The following DNAH2 variants were observed in gnomAD, a reference collection of about 807,000 sequenced individuals.
DNAH2 encodes the protein dynein axonemal heavy chain 2.
DNAH2 carries 323 observed loss-of-function variants against 523.5 expected under a neutral mutation model. That is an observed-to-expected ratio of 0.62 (90% CI 0.56 to 0.68). DNAH2 has a LOEUF of 0.68. DNAH2 is among the 30% of genes least tolerant of loss of function. The probability of loss-of-function intolerance (pLI) is 0.00; values close to 1 mark genes in which losing one functional copy is unlikely to be tolerated. For missense variants in DNAH2, 4,907 were observed against 5,701.5 expected (o/e 0.86, Z 4.49); for synonymous variants, 2,093 against 2,177.4 (o/e 0.96, Z 1.08).
intron 1 of DNAH2, among the ~76,000 whole-genome samples, chr17:7,719,370 C>A (rs1169863864): frequency 1.3e-5 from 2 of 152,120 alleles, no homozygotes; most frequent in Non-Finnish European, 2.9e-5. Context: ...CTCAGGTGAT[C>A]CACCCGGCTC....
chr17:7,735,747 A>C (rs1024402886), intron 7 of DNAH2, among the ~76,000 whole-genome samples: 1 of 148,924 alleles, frequency 6.7e-6, no homozygotes, highest in Non-Finnish European at 1.5e-5. Context: ...CTCAATTGTT[A>C]ATTTTTTTTA....
chr17:7,800,735 C>T (rs1449861910), intron 56 of DNAH2, among the ~76,000 whole-genome samples: 2 of 150,330 alleles, frequency 1.3e-5, no homozygotes, highest in African/African-American at 2.4e-5. Flanking sequence ...GGCATGGTGG[C>T]GGGCACCTGT....
rs528675615 is a variant in DNAH2, at chr17:7,725,955, G to A, written c.229-1167G>A. On this transcript the variant is annotated intron_variant, in intron 3 of 85. Coordinates refer to ENST00000572933, the MANE Select transcript of DNAH2 (RefSeq NM_020877.5). ...CCAGGAGGAAAGATGAAAAGACTTC[G>A]CAAGTTCACTGATCTGTATCTTCAT... 4.7e-4 allele frequency among the ~76,000 whole-genome samples: 72 copies of A among 152,048 alleles called. 2 individuals carry two copies. The South Asian group carries it at 0.014, about 29-fold the overall frequency.
intron 21 of DNAH2, 139 bp downstream of exon 21, chr17:7,765,704 G>A: frequency 7.7e-6 from 7 of 905,282 alleles, no homozygotes; most frequent in Non-Finnish European, 1.2e-5. Flanking sequence ...CTCCACTCAG[G>A]AGCAAAGGAG....
chr17:7,777,929 A>T (rs2076500392), intron 33 of DNAH2, 148 bp from the exon 34 acceptor site: 2 of 778,646 alleles, frequency 2.6e-6, no homozygotes, highest in East Asian at 5.3e-5. Context: ...TTGCCCATAA[A>T]CCGCTCCCCT....
chr17:7,791,833 T>TCCGCA, intron 44 of DNAH2, 84 bp from the exon 45 acceptor site: 3 of 1,374,938 alleles, frequency 2.2e-6, no homozygotes, highest in Non-Finnish European at 3.0e-6. Context: ...ACCCAGGCTT[T>TCCGCA]CCACACTCTG....
chr17:7,775,158 A>G (rs999373186), intron 29 of DNAH2, 83 bp from the exon 30 acceptor site: 3 of 1,425,270 alleles, frequency 2.1e-6, no homozygotes, highest in Non-Finnish European at 2.9e-6. Flanking sequence ...AGGAGCAGTA[A>G]TTATCCTCAA....
chr17:7,765,476 A>T lies in DNAH2; in HGVS notation c.3422A>T (p.His1141Leu), dbSNP rs749461535. The part of the protein sequence containing the change: ...LLDSKQMLKK[H>L]KEKFKTGLIH... The stretch of plus-strand genomic sequence containing the variant: ...GACAGTAAGCAAATGCTGAAGAAAC[A>T]CAAGGAGAAATTCAAGACAGGCCTG... The change falls in exon 21 of 86, where the codon CAC (histidine) becomes CTC (leucine). Residue 1141 changes from histidine (H) to leucine (L), a missense_variant. His to Leu is a moderately conservative substitution (Grantham distance 99). Coordinates refer to ENST00000572933, the MANE Select transcript of DNAH2 (RefSeq NM_020877.5). 6.2e-7 allele frequency: 1 copy of T among 1,614,264 alleles called. No individual in the cohort carries two copies. The highest frequency in any genetic ancestry group is 1.1e-5 in the South Asian group (1 of 91,088).
rs1433052633 is a variant in DNAH2 at position 7,787,990 on chromosome 17, G to A, written c.6734G>A (p.Arg2245Lys). Residue 2245 changes from arginine (R) to lysine (K), a missense_variant, in exon 43 of 86, where the codon AGG becomes AAG. Arg to Lys is a conservative substitution (Grantham distance 26). Transcript: ENST00000572933. ...KPYVQSWLEK[R>K]PKAEVEPLQR... Reference sequence around the variant, plus strand: ...TATGTTCAGTCATGGCTGGAGAAGAGGCCAAAGGTATGAAGGGAACTGAGG... The same window carrying A: ...TATGTTCAGTCATGGCTGGAGAAGAAGCCAAAGGTATGAAGGGAACTGAGG... 1.9e-6 allele frequency: 3 copies of A among 1,614,082 alleles called. No homozygotes were observed. The highest frequency in any genetic ancestry group is 1.3e-5 in the African/African-American group (1 of 74,944).
chr17:7,833,250 C>T, intron 85 of DNAH2, 29 bp downstream of exon 85: 1 of 1,606,562 alleles, frequency 6.2e-7, no homozygotes, highest in Non-Finnish European at 8.5e-7. Flanking sequence ...CAGGACCTGC[C>T]TGCCCCGTCC....
chr17:7,771,609 A>G, intron 28 of DNAH2, 141 bp downstream of exon 28: 2 of 911,082 alleles, frequency 2.2e-6, no homozygotes, highest in South Asian at 3.6e-5. Context: ...TCTAAGCATT[A>G]GATCATAATT....
rs368514140 is a variant in DNAH2 at position 7,766,869 on chromosome 17, C to T, written c.3675+388C>T. ...TTCACCATATTGTCCAGACTGGTCT[C>T]GAACTCCTGACCTCAGGTGATCCAC... On this transcript the variant is annotated intron_variant, in intron 22 of 85. Transcript: ENST00000572933. Among the ~76,000 whole-genome samples the T allele has an allele frequency of 9.9e-4, 151 of 151,902 alleles. 4 individuals carry two copies. Among genetic ancestry groups the T allele is most frequent in the African/African-American group, 3.4e-4 (14 of 41,416 alleles).
intron 12 of DNAH2, among the ~76,000 whole-genome samples, chr17:7,753,077 C>T (rs1022381507): frequency 6.6e-6 from 1 of 152,190 alleles, no homozygotes; most frequent in African/African-American, 2.4e-5. Flanking sequence ...ACACTTGAGC[C>T]ACACTTGCCT....
chr17:7,757,057 G>C (rs752113965), intron 12 of DNAH2, 34 bp from the exon 13 acceptor site: 2 of 1,612,398 alleles, frequency 1.2e-6, no homozygotes, highest in African/African-American at 2.7e-5. Flanking sequence ...CCCCTCGTGC[G>C]GTCCCCTCAC....
intron 32 of DNAH2, among the ~76,000 whole-genome samples, 159 bp from the exon 33 acceptor site, chr17:7,777,286 GA>G (rs573213664): frequency 6.6e-6 from 1 of 152,258 alleles, no homozygotes; most frequent in South Asian, 2.1e-4. Flanking sequence ...CTTTATGATG[GA>G]AGTCCAGTGG....
rs199645243 is a variant in DNAH2, at chr17:7,792,676, A to G, written c.7165A>G (p.Met2389Val). The change falls in exon 47 of 86, where the codon ATG becomes GTG. Residue 2389 changes from methionine to valine, a missense_variant. By Grantham distance (21) the Met-to-Val change is conservative. Transcript: ENST00000572933. ...CCCTAGCGCCCCCTTCTATAAGATCATGGTGCCCACCGTCGACACTGTTCG... is the reference window on the plus strand; with the variant it reads ...CCCTAGCGCCCCCTTCTATAAGATCGTGGTGCCCACCGTCGACACTGTTCG... ...YPPNAPFYKI[M>V]VPTVDTVRYN... 3.1e-4 allele frequency: 498 copies of G among 1,613,918 alleles called. No individual in the cohort carries two copies. Among genetic ancestry groups the G allele is most frequent in the Non-Finnish European group, 3.9e-4 (456 of 1,179,980 alleles).
rs2076212819 is a variant in DNAH2 at position 7,767,886 on chromosome 17, T to C, written c.3676-14T>C. 1 of 1,613,900 alleles carries C rather than the reference T, an allele frequency of 6.2e-7. No individual in the cohort carries two copies. Among genetic ancestry groups the C allele is most frequent in the South Asian group, 1.1e-5 (1 of 91,078 alleles). On this transcript the variant is annotated splice_polypyrimidine_tract_variant and intron_variant, in intron 22 of 85. Coordinates refer to ENST00000572933, the MANE Select transcript of DNAH2 (RefSeq NM_020877.5). ...CAGGTGCCACTTCATGCAACGCGCC[T>C]TTCTGCCCTGTAGGAGCTCGATGCC...
intron 4 of DNAH2, among the ~76,000 whole-genome samples, chr17:7,732,360 G>A (rs1226524077): frequency 1.3e-4 from 19 of 150,140 alleles, no homozygotes; most frequent in South Asian, 2.1e-4. Flanking sequence ...GCTTGAACCC[G>A]GGGGGCGGAG....
At chr17:7,766,100 G>A (rs1204968297) in intron 21 of DNAH2, among the ~76,000 whole-genome samples, 2 of 151,990 alleles carry the variant, frequency 1.3e-5, no homozygotes, top group East Asian at 1.9e-4. Flanking sequence ...TTCTTATCCC[G>A]ACTTCCATAT....
Sources: gnomAD v4.1 joint callset for allele counts (sites outside exome capture counted in the v4.1 genomes callset) on GRCh38, gnomAD v4.1.1 for gene constraint, MANE v1.5 for transcripts, NCBI Gene and HGNC (gene_info 2026-07-23, HGNC 2026-07-21) for gene names.